The following RANBP17 variants were observed in gnomAD, a reference collection of about 807,000 sequenced individuals.
RANBP17 encodes the protein RAN binding protein 17.
In RANBP17, 158 loss-of-function variants were observed where a neutral mutation model predicts 141.2. That is an observed-to-expected ratio of 1.12 (90% confidence interval 0.98 to 1.28). The LOEUF is 1.28. Among genes scored for constraint, RANBP17 ranks in the 50% most tolerant of loss-of-function variants. The pLI, the probability that RANBP17 is intolerant of heterozygous loss-of-function variation, is 0.00. For missense variants in RANBP17, 1,438 were observed against 1,290.7 expected (o/e 1.11, Z -1.75); for synonymous variants, 430 against 450.0 (o/e 0.96, Z 0.56).
intron 1 of RANBP17, chr5:170,867,171 C>G (rs1296475518): frequency 6.6e-6 from 1 of 152,124 alleles, no homozygotes; most frequent in Non-Finnish European, 1.5e-5. Flanking sequence ...ACATCATCTC[C>G]AGGTCGATGA....
chr5:171,007,293 T>G (rs1176240814), intron 14 of RANBP17, among the ~76,000 whole-genome samples: 3 of 152,046 alleles, frequency 2.0e-5, no homozygotes, highest in Non-Finnish European at 2.9e-5. Context: ...GCCAACTCTC[T>G]AAGAGGAAAT....
At chr5:171,241,993 CTT>C (rs558135873) in intron 23 of RANBP17, among the ~76,000 whole-genome samples, 37 of 142,602 alleles carry the variant, frequency 2.6e-4, no homozygotes, top group Admixed American at 3.5e-4. Flanking sequence ...CTCTTTTTTT[CTT>C]TTTTTTTTTT....
chr5:170,956,987 G>A (rs1160544882), intron 13 of RANBP17, among the ~76,000 whole-genome samples: 2 of 151,328 alleles, frequency 1.3e-5, no homozygotes, highest in African/African-American at 2.4e-5. Context: ...GGAGAATGGC[G>A]TGAACCCCGG....
At position 170,869,503 on chromosome 5, in the gene RANBP17, T is replaced by C. The variant is rs368445591; in HGVS notation, c.18+7452T>C. Among the ~76,000 whole-genome samples, 62 of 152,276 alleles carry C rather than the reference T, an allele frequency of 4.1e-4. 1 individual carries two copies. The South Asian group carries it at 0.012, about 31-fold the overall frequency. On this transcript the variant is annotated intron_variant, in intron 1 of 27. Transcript: ENST00000523189. ...GTGGCCAGAAATCTGAAACATACAC[T>C]GGTTTGGTCCCTTCTGGAGGCCCTG... is the stretch of plus-strand genomic sequence containing the variant.
chr5:171,058,076 A>G (rs1409220542), intron 14 of RANBP17, among the ~76,000 whole-genome samples: 2 of 152,088 alleles, frequency 1.3e-5, no homozygotes, highest in East Asian at 1.9e-4. Context: ...ATTCTCCTTC[A>G]TAGGGATTAT....
chr5:170,889,782 A>G (rs1356219865), intron 3 of RANBP17, among the ~76,000 whole-genome samples: 1 of 152,026 alleles, frequency 6.6e-6, no homozygotes, highest in Non-Finnish European at 1.5e-5. Context: ...TTGTTCTCCC[A>G]TGTATCTTCC....
intron 4 of RANBP17, among the ~76,000 whole-genome samples, chr5:170,894,659 T>C (rs1315347977): frequency 6.6e-6 from 1 of 151,984 alleles, no homozygotes; most frequent in Non-Finnish European, 1.5e-5. Context: ...TTTAACAGCC[T>C]GAACTTTTGT....
At chr5:171,148,300 C>A (rs1037680608) in intron 14 of RANBP17, among the ~76,000 whole-genome samples, 1 of 152,152 alleles carries the variant, frequency 6.6e-6, no homozygotes. Flanking sequence ...CCTTTGTTCA[C>A]TTGTTTGTCT....
chr5:171,117,359 CT>C (rs1755709845), intron 14 of RANBP17, among the ~76,000 whole-genome samples: 1 of 152,082 alleles, frequency 6.6e-6, no homozygotes, highest in Non-Finnish European at 1.5e-5. Flanking sequence ...AATAGCCATC[CT>C]AATGGGATGA....
intron 5 of RANBP17, among the ~76,000 whole-genome samples, chr5:170,906,184 A>G (rs917607611): frequency 2.6e-5 from 4 of 152,038 alleles, no homozygotes; most frequent in Admixed American, 2.0e-4. Context: ...ACCTCATTCA[A>G]GATTCACTGG....
intron 2 of RANBP17, among the ~76,000 whole-genome samples, chr5:170,880,846 T>C (rs1343359244): frequency 6.6e-6 from 1 of 152,242 alleles, no homozygotes. Flanking sequence ...AAAAGGTATG[T>C]GTCATGTCAT....
chr5:171,059,079 G>T (rs1783617779), intron 14 of RANBP17, among the ~76,000 whole-genome samples: 1 of 151,230 alleles, frequency 6.6e-6, no homozygotes, highest in African/African-American at 2.4e-5. Flanking sequence ...TGTCAGATGA[G>T]TAGGTTGCGA....
At chr5:171,232,717 A>AT (rs1363658232) in intron 22 of RANBP17, among the ~76,000 whole-genome samples, 8 of 152,062 alleles carry the variant, frequency 5.3e-5, no homozygotes, top group Non-Finnish European at 1.2e-4. Context: ...ATTTTCCCAA[A>AT]AGTGATATCA....
chr5:171,131,823 G>C (rs571883694), intron 14 of RANBP17, among the ~76,000 whole-genome samples: 11 of 152,218 alleles, frequency 7.2e-5, no homozygotes, highest in Non-Finnish European at 1.3e-4. Flanking sequence ...TTTAATGATG[G>C]TATAACTATT....
In RANBP17 at chr5:171,183,874, G is replaced by A. The variant is rs138341146; in HGVS notation, c.2038+444G>A. ...TACTTACTTGTAGAATGATTGGCACGCAATAAAAATGAAGATTTAAAGACA... is the reference window on the plus strand; with the variant it reads ...TACTTACTTGTAGAATGATTGGCACACAATAAAAATGAAGATTTAAAGACA... On this transcript the variant is annotated intron_variant, in intron 18 of 27. Transcript: ENST00000523189. Among the ~76,000 whole-genome samples, 59 of 152,202 alleles carry A rather than the reference G, an allele frequency of 3.9e-4. 2 individuals are homozygous for A. In the East Asian group the frequency reaches 8.9e-3, roughly 23 times the overall value.
intron 22 of RANBP17, among the ~76,000 whole-genome samples, chr5:171,231,381 T>TACC (rs1427227947): frequency 6.6e-6 from 1 of 152,178 alleles, no homozygotes; most frequent in Non-Finnish European, 1.5e-5. Flanking sequence ...AAGAAAAGTA[T>TACC]ACCAGTTCTT....
intron 14 of RANBP17, among the ~76,000 whole-genome samples, chr5:171,120,793 G>A (rs1398896134): frequency 6.6e-6 from 1 of 152,154 alleles, no homozygotes; most frequent in Non-Finnish European, 1.5e-5. Context: ...CATGTTTGGT[G>A]TGTCCCTAGG....
chr5:171,058,066 A>G (rs1783528629), intron 14 of RANBP17, among the ~76,000 whole-genome samples: 1 of 152,078 alleles, frequency 6.6e-6, no homozygotes, highest in Admixed American at 6.6e-5. Flanking sequence ...ATATTGACAA[A>G]TTCTCCTTCA....
intron 25 of RANBP17, among the ~76,000 whole-genome samples, chr5:171,290,236 G>A (rs1390180765): frequency 1.3e-5 from 2 of 152,022 alleles, no homozygotes; most frequent in Non-Finnish European, 2.9e-5. Context: ...GGGCGTGGTG[G>A]CACGTGCCTG....
Sources: gnomAD v4.1 joint callset for allele counts (sites outside exome capture counted in the v4.1 genomes callset) on GRCh38, gnomAD v4.1.1 for gene constraint, MANE v1.5 for transcripts, NCBI Gene and HGNC (gene_info 2026-07-23, HGNC 2026-07-21) for gene names.